RAB27B: variants seen among roughly 807,000 people sequenced by gnomAD.
RAB27B encodes the protein ras-related protein Rab-27B.
RAB27B carries 15 observed loss-of-function variants against 24.6 expected under a neutral mutation model. That is an observed-to-expected ratio of 0.61 (90% CI 0.41 to 0.94). The LOEUF (loss-of-function observed/expected upper bound fraction) is 0.94, where lower values mean the gene tolerates loss of function less well. Ranked by LOEUF, RAB27B falls within the 40% of genes least tolerant of loss-of-function variation. RAB27B has a pLI of 0.00. For synonymous variants in RAB27B, 105 were observed against 92.5 expected (o/e 1.14, Z -0.78); for missense variants, 261 against 266.8 (o/e 0.98, Z 0.15).
intron 2 of RAB27B, among the ~76,000 whole-genome samples, chr18:54,769,454 TTTG>T (rs201277404): frequency 0.048 from 2,116 of 44,018 alleles, 26 homozygotes; most frequent in African/African-American, 0.062. Context: ...ATCTTGTTTT[TTTG>T]TTGTTGTTGT....
chr18:54,786,780 A>G (rs8095675), intron 2 of RAB27B, among the ~76,000 whole-genome samples: 57,719 of 152,064 alleles, frequency 0.38, 11,242 homozygotes, highest in South Asian at 0.48. Context: ...GAAATGGACT[A>G]TCTGAAGTTT....
chr18:54,879,485 A>G, intron 3 of RAB27B, 31 bp downstream of exon 3: 3 of 1,548,930 alleles, frequency 1.9e-6, no homozygotes, highest in Non-Finnish European at 2.7e-6. Flanking sequence ...TTGTGGCTAC[A>G]CATAGCTTAG....
intron 1 of RAB27B, among the ~76,000 whole-genome samples, chr18:54,836,246 C>T (rs1220826037): frequency 6.6e-6 from 1 of 151,788 alleles, no homozygotes; most frequent in Admixed American, 6.6e-5. Context: ...GATGAATTTC[C>T]CTCAAATTAT....
chr18:54,831,647 C>G (rs1219622871), intron 1 of RAB27B, among the ~76,000 whole-genome samples: 1 of 151,978 alleles, frequency 6.6e-6, no homozygotes, highest in Non-Finnish European at 1.5e-5. Context: ...AGTAAATAAA[C>G]AAATTAGTAA....
At chr18:54,820,994 G>A (rs1910292471) in intron 2 of RAB27B, among the ~76,000 whole-genome samples, 1 of 152,102 alleles carries the variant, frequency 6.6e-6, no homozygotes, top group East Asian at 1.9e-4. Flanking sequence ...TTTGGTACAA[G>A]TACCATGCTG....
At chr18:54,770,071 C>T (rs1369950780) in intron 2 of RAB27B, among the ~76,000 whole-genome samples, 1 of 151,904 alleles carries the variant, frequency 6.6e-6, no homozygotes, top group Non-Finnish European at 1.5e-5. Context: ...TCTCAAACTC[C>T]CAACCTTAAG....
intron 1 of RAB27B, among the ~76,000 whole-genome samples, chr18:54,837,177 C>G (rs1212810654): frequency 6.6e-6 from 1 of 151,652 alleles, no homozygotes; most frequent in Non-Finnish European, 1.5e-5. Context: ...GGTTTGAAGG[C>G]AGTATTATGG....
intron 1 of RAB27B, among the ~76,000 whole-genome samples, chr18:54,829,879 C>A (rs1910609041): frequency 6.6e-6 from 1 of 152,160 alleles, no homozygotes; most frequent in African/African-American, 2.4e-5. Context: ...ATGGGGTCAG[C>A]CATCCTTGAA....
At chr18:54,865,159 C>T (rs1445090934) in intron 1 of RAB27B, among the ~76,000 whole-genome samples, 1 of 151,352 alleles carries the variant, frequency 6.6e-6, no homozygotes, top group Non-Finnish European at 1.5e-5. Flanking sequence ...ACTGTTTTAT[C>T]ATTATTCTAC....
At chr18:54,844,872 T>C (rs1350483598) in intron 1 of RAB27B, among the ~76,000 whole-genome samples, 2 of 152,172 alleles carry the variant, frequency 1.3e-5, no homozygotes, top group East Asian at 3.8e-4. Flanking sequence ...GGTGTCTTTA[T>C]GTGTGGGTGT....
intron 2 of RAB27B, among the ~76,000 whole-genome samples, chr18:54,819,662 G>A (rs1910238773): frequency 6.6e-6 from 1 of 150,692 alleles, no homozygotes; most frequent in Non-Finnish European, 1.5e-5. Context: ...GAGTACATGT[G>A]CACAACGTGC....
At chr18:54,783,631 A>G (rs1357767616) in intron 2 of RAB27B, among the ~76,000 whole-genome samples, 1 of 152,108 alleles carries the variant, frequency 6.6e-6, no homozygotes, top group African/African-American at 2.4e-5. Flanking sequence ...CGAAAAGGCA[A>G]TTTATTGTGA....
chr18:54,804,950 C>CTT (rs1266196012), intron 2 of RAB27B, among the ~76,000 whole-genome samples: 1 of 129,294 alleles, frequency 7.7e-6, no homozygotes, highest in African/African-American at 3.0e-5. Context: ...TTCTTTCTTT[C>CTT]TTTCTCTTTC....
chr18:54,795,090 G>C (rs1598909616), intron 2 of RAB27B, among the ~76,000 whole-genome samples: 1 of 152,140 alleles, frequency 6.6e-6, no homozygotes, highest in Admixed American at 6.5e-5. Context: ...TTGAGCTTTA[G>C]AGTGATTTTT....
At chr18:54,803,412 A>G (rs778350523) in intron 2 of RAB27B, among the ~76,000 whole-genome samples, 5 of 152,308 alleles carry the variant, frequency 3.3e-5, no homozygotes, top group Non-Finnish European at 7.3e-5. Context: ...AGGGCATGAG[A>G]ACAATCCCAA....
At chr18:54,827,850 C>G (rs1221925813), upstream of RAB27B, among the ~76,000 whole-genome samples, 2 of 152,070 alleles carry the variant, frequency 1.3e-5, no homozygotes, top group African/African-American at 2.4e-5. Flanking sequence ...GCTTTGTGGA[C>G]GAATCTAATG....
rs1001236336 is a variant in RAB27B, at chr18:54,888,642, C to T, written c.467+524C>T. On this transcript the variant is annotated intron_variant, in intron 5 of 5. Coordinates refer to ENST00000262094, the MANE Select transcript of RAB27B (RefSeq NM_004163.4). ...AAAAAAAAAAACAGAAACAACACCC[C>T]ATGTAATTGTAAATTGACTTCCGTG... is the stretch of plus-strand genomic sequence containing the variant. Among the ~76,000 whole-genome samples, 9 of 151,980 alleles carry T rather than the reference C, an allele frequency of 5.9e-5. No homozygotes were observed. In the East Asian group the frequency reaches 1.4e-3, roughly 23 times the overall value.
chr18:54,884,405 A>G lies in RAB27B; in HGVS notation c.312A>G (p.Gln104=). The G allele has an allele frequency of 6.2e-7, 1 of 1,612,214 alleles. No homozygotes were observed. Among genetic ancestry groups the G allele is most frequent in the Non-Finnish European group, 8.5e-7 (1 of 1,178,504 alleles). ...GFLLMFDLTS[Q]QSFLNVRNWM... is the part of the protein sequence containing the mutation. Reference sequence around the variant, plus strand: ...TATTAATGTTTGACCTCACCAGTCAACAGAGCTTCTTAAATGTCAGAAACT... The same window carrying G: ...TATTAATGTTTGACCTCACCAGTCAGCAGAGCTTCTTAAATGTCAGAAACT... Residue 104 remains glutamine (Q), a synonymous_variant, in exon 4 of 6, where the codon CAA becomes CAG. Coordinates refer to ENST00000262094, the MANE Select transcript of RAB27B (RefSeq NM_004163.4).
chr18:54,755,865 A>G (rs981659840), intron 2 of RAB27B, among the ~76,000 whole-genome samples: 1 of 152,200 alleles, frequency 6.6e-6, no homozygotes, highest in African/African-American at 2.4e-5. Context: ...AAACTATTGC[A>G]CAAGGGGAAG....
Sources: gnomAD v4.1 joint callset for allele counts (sites outside exome capture counted in the v4.1 genomes callset) on GRCh38, gnomAD v4.1.1 for gene constraint, MANE v1.5 for transcripts, NCBI Gene and HGNC (gene_info 2026-07-23, HGNC 2026-07-21) for gene names.